Variants in NEMP2 observed in about 807,000 individuals in gnomAD.
NEMP2 encodes UPF0571 transmembrane protein.
NEMP2 carries 53 observed loss-of-function variants against 54.2 expected under a neutral mutation model. The observed-to-expected ratio is 0.98, with a 90% CI of 0.78 to 1.23. The LOEUF (loss-of-function observed/expected upper bound fraction) is 1.23, where lower values mean the gene tolerates loss of function less well. NEMP2 is among the 50% of genes most tolerant of loss of function. The pLI is 0.00. For missense variants in NEMP2, 455 were observed against 511.3 expected (o/e 0.89, Z 1.06); for synonymous variants, 197 against 190.3 (o/e 1.04, Z -0.29).
At chr2:190,632,830 G>A in the NEMP2 span, among the ~76,000 whole-genome samples, 1 of 152,098 alleles carries the variant, frequency 6.6e-6, no homozygotes, top group Non-Finnish European at 1.5e-5. This position sits in a 1 kb window ranked among gnomAD's most constrained non-coding sequence, Gnocchi z 4.8. Flanking sequence ...GTAATATGTG[G>A]TCATTATAGA....
chr2:190,532,637 T>TG (rs1171083884), intron 1 of NEMP2, among the ~76,000 whole-genome samples: 5 of 152,164 alleles, frequency 3.3e-5, no homozygotes, highest in African/African-American at 1.2e-4. Context: ...TCCATTCCAT[T>TG]GAAGTGTGTG....
the NEMP2 span, among the ~76,000 whole-genome samples, chr2:190,646,503 TACAG>T: frequency 6.6e-6 from 1 of 152,260 alleles, no homozygotes; most frequent in Non-Finnish European, 1.5e-5. Context: ...AGTGTTGTCA[TACAG>T]ACATACAGAA....
the NEMP2 span, chr2:190,640,940 C>T: frequency 6.6e-6 from 1 of 151,702 alleles, no homozygotes; most frequent in East Asian, 1.9e-4. Flanking sequence ...TTTCCTTTTC[C>T]TGACACTTAC....
chr2:190,428,321 G>T, the NEMP2 span, among the ~76,000 whole-genome samples: 4 of 152,298 alleles, frequency 2.6e-5, no homozygotes, highest in African/African-American at 9.6e-5. Flanking sequence ...GTCTTTCGGT[G>T]AATATACATA....
the NEMP2 span, among the ~76,000 whole-genome samples, chr2:190,643,610 A>C: frequency 6.6e-6 from 1 of 152,238 alleles, no homozygotes; most frequent in Non-Finnish European, 1.5e-5. Flanking sequence ...AGATGAATTA[A>C]TACTGATAAA....
At chr2:190,604,875 T>A in the NEMP2 span, among the ~76,000 whole-genome samples, 5 of 152,210 alleles carry the variant, frequency 3.3e-5, no homozygotes, top group Non-Finnish European at 7.3e-5. This position sits in a 1 kb window ranked among gnomAD's most constrained non-coding sequence, Gnocchi z 4.5. Context: ...TTCACATGCC[T>A]TGTGACCAAA....
chr2:190,494,968 C>A, the NEMP2 span, among the ~76,000 whole-genome samples: 1 of 152,172 alleles, frequency 6.6e-6, no homozygotes, highest in African/African-American at 2.4e-5. This position sits in a 1 kb window ranked among gnomAD's most constrained non-coding sequence, Gnocchi z 5.7. Flanking sequence ...CTCACCACTT[C>A]TATTCAACAT....
chr2:190,644,066 G>A, the NEMP2 span, among the ~76,000 whole-genome samples: 1 of 152,068 alleles, frequency 6.6e-6, no homozygotes, highest in African/African-American at 2.4e-5. This position sits in a 1 kb window ranked among gnomAD's most constrained non-coding sequence, Gnocchi z 4.4. Context: ...TGCCTCAATG[G>A]AAGATAACCA....
the NEMP2 span, chr2:190,463,880 G>A: frequency 1.0e-6 from 1 of 984,410 alleles, no homozygotes; most frequent in African/African-American, 1.7e-5. The surrounding 1 kb of genome is among the most constrained non-coding windows in gnomAD (Gnocchi z 4.4). Context: ...CCCAATCTAA[G>A]GGCGCACCAT....
At position 190,505,756 on chromosome 2, in the gene NEMP2, A is replaced by G. The variant is rs1022886027; in HGVS notation, c.*3433T>C. 1 of 152,260 alleles carries G rather than the reference A, an allele frequency of 6.6e-6. No individual in the cohort carries two copies. Among genetic ancestry groups the G allele is most frequent in the African/African-American group, 2.4e-5 (1 of 41,458 alleles). 9.4% of individuals were successfully genotyped at this position (152,260 alleles called of 1,614,324 possible). A position where few individuals can be genotyped will look rare whatever the true frequency, so the allele number is the denominator to read the frequency against. ...ATCAGAGGGGGTGGGATGTTTGTCA[A>G]TAATGAAGATTAGAAAAACAGCAGT... On this transcript the variant is annotated 3_prime_UTR_variant, in exon 9 of 9. Transcript: ENST00000409150. This position sits in a 1 kb window ranked among gnomAD's most constrained non-coding sequence, Gnocchi z 5.8.
chr2:190,453,142 G>A, the NEMP2 span, among the ~76,000 whole-genome samples: 1 of 152,098 alleles, frequency 6.6e-6, no homozygotes, highest in Non-Finnish European at 1.5e-5. Context: ...GACATTGGGA[G>A]TGGATATAAA....
the NEMP2 span, among the ~76,000 whole-genome samples, chr2:190,584,045 G>A: frequency 3.3e-5 from 5 of 152,132 alleles, no homozygotes; most frequent in African/African-American, 1.2e-4. The surrounding 1 kb of genome is among the most constrained non-coding windows in gnomAD (Gnocchi z 4.2). Flanking sequence ...AGCAGTAGTA[G>A]TACAAAAATG....
chr2:190,494,761 T>C, the NEMP2 span, among the ~76,000 whole-genome samples: 8 of 152,144 alleles, frequency 5.3e-5, no homozygotes, highest in African/African-American at 1.9e-4. The surrounding 1 kb of genome is among the most constrained non-coding windows in gnomAD (Gnocchi z 5.7). Context: ...CATGATCATC[T>C]CAGTAGACGC....
chr2:190,510,424 C>G lies in NEMP2; in HGVS notation c.1067G>C (p.Arg356Pro). 6.4e-7 allele frequency: 1 copy of G among 1,551,704 alleles called. No individual in the cohort carries two copies. ...ETNSALEELRRACRKPDFPSW... is the reference protein window; with the variant it reads ...ETNSALEELRPACRKPDFPSW... ...GGGAAAGTCGGGTTTTCGGCAGGCC[C>G]GGCGTAGCTCCTCCAGAGCACTGTT... is the stretch of plus-strand genomic sequence containing the variant. The change falls in exon 8 of 9, where the codon CGG becomes CCG. Residue 356 changes from arginine (R) to proline (P), a missense_variant. Coordinates refer to ENST00000409150, the MANE Select transcript of NEMP2 (RefSeq NM_001142645.2). The surrounding 1 kb of genome is among the most constrained non-coding windows in gnomAD (Gnocchi z 5.7).
In NEMP2 at chr2:190,508,519, T is replaced by C. The variant is rs1690248736; in HGVS notation, c.*670A>G. On this transcript the variant is annotated 3_prime_UTR_variant, in exon 9 of 9. Coordinates refer to ENST00000409150, the MANE Select transcript of NEMP2 (RefSeq NM_001142645.2). The surrounding 1 kb of genome is among the most constrained non-coding windows in gnomAD (Gnocchi z 4.3). ...CCACCATTAGCATTTTCCAAACGTG[T>C]TCCAAGGAATATTAATCTCATGAAA... 1 of 152,214 alleles carries C rather than the reference T, an allele frequency of 6.6e-6. No homozygotes were observed. The highest frequency in any genetic ancestry group is 1.5e-5 in the Non-Finnish European group (1 of 68,040). The allele number at this position is 152,214 out of a possible 1,614,324, so 9.4% of individuals were successfully genotyped here.
At chr2:190,589,036 C>T in the NEMP2 span, among the ~76,000 whole-genome samples, 6 of 152,286 alleles carry the variant, frequency 3.9e-5, no homozygotes, top group East Asian at 1.2e-3. This position sits in a 1 kb window ranked among gnomAD's most constrained non-coding sequence, Gnocchi z 4.3. Flanking sequence ...AAATCAGCAT[C>T]TTCTGAGTGG....
the NEMP2 span, among the ~76,000 whole-genome samples, chr2:190,583,156 G>T: frequency 6.6e-6 from 1 of 151,832 alleles, no homozygotes; most frequent in Non-Finnish European, 1.5e-5. Context: ...GAACTGAAAT[G>T]CAGCCTTAAC....
At chr2:190,468,185 C>T in the NEMP2 span, among the ~76,000 whole-genome samples, 12 of 152,008 alleles carry the variant, frequency 7.9e-5, no homozygotes, top group African/African-American at 2.2e-4. Context: ...CAGATTGAAA[C>T]GTACTTTTCT....
chr2:190,533,956 T>G lies in NEMP2; in HGVS notation c.97+603A>C. 2.0e-6 allele frequency: 2 copies of G among 984,808 alleles called. No homozygotes were observed. The highest frequency in any genetic ancestry group is 9.4e-5 in the South Asian group (2 of 21,260). The allele number at this position is 984,808 out of a possible 1,614,324, so 61.0% of individuals were successfully genotyped here. A position where few individuals can be genotyped will look rare whatever the true frequency, so the allele number is the denominator to read the frequency against. On this transcript the variant is annotated intron_variant, in intron 1 of 8. Transcript: ENST00000409150. This position sits in a 1 kb window ranked among gnomAD's most constrained non-coding sequence, Gnocchi z 4.3. ...GCAGCCGCTACCAGTTCTTGCTTCC[T>G]GTGTGCCAGGCATTGTGCACACGAA...
Sources: allele counts gnomAD v4.1 joint callset (sites outside exome capture counted in the v4.1 genomes callset), GRCh38; gene constraint gnomAD v4.1.1; non-coding constraint Gnocchi (gnomAD v3.1); transcripts MANE v1.5; gene names NCBI Gene and HGNC (gene_info 2026-07-23, HGNC 2026-07-21).